ZNF865: variants seen among roughly 807,000 people sequenced by gnomAD.
ZNF865 encodes the protein zinc finger protein 865.
For synonymous variants in ZNF865, 763 were observed against 750.8 expected (o/e 1.02, Z -0.27); for missense variants, 1,311 against 1,593.4 (o/e 0.82, Z 3.02).
rs1333296683 is a variant in ZNF865, at chr19:55,615,635, G to A, written c.2017G>A (p.Asp673Asn). ...CGATGGGCTGAGCTACGCCTGCTCG[G>A]ACTGCGGCGAGCACTTCCCGGATCT... ...PTDGLSYACS[D>N]CGEHFPDLFH... The change falls in exon 2 of 2, where the codon GAC (aspartate) becomes AAC (asparagine). Residue 673 changes from aspartate to asparagine, a missense_variant. Asp to Asn is a conservative substitution (Grantham distance 23). Transcript: ENST00000568956. 6.5e-7 allele frequency: 1 copy of A among 1,534,430 alleles called. No individual in the cohort carries two copies. The highest frequency in any genetic ancestry group is 1.4e-5 in the African/African-American group (1 of 72,906).
chr19:55,615,163 C>T lies in ZNF865; in HGVS notation c.1545C>T (p.Tyr515=), dbSNP rs989775126. 2.3e-6 allele frequency: 3 copies of T among 1,331,836 alleles called. No homozygotes were observed. Among genetic ancestry groups the T allele is most frequent in the South Asian group, 1.7e-5 (1 of 58,974 alleles). 82.5% of individuals were successfully genotyped at this position (1,331,836 alleles called of 1,614,324 possible). A position where few individuals can be genotyped will look rare whatever the true frequency, so the allele number is the denominator to read the frequency against. The change falls in exon 2 of 2, where the codon TAC becomes TAT. Residue 515 remains tyrosine, a synonymous_variant. Transcript: ENST00000568956. ...CGGCGGCCGCGGCGGCGGTGGTGTA[C>T]GGCGCTGTGCCCGTCCCGCTCCTGG... is the stretch of plus-strand genomic sequence containing the variant. The part of the protein sequence containing the change: ...KAAAAAAAVV[Y]GAVPVPLLGA...
At chr19:55,606,803 G>A (rs567026064) in intron 1 of ZNF865, among the ~76,000 whole-genome samples, 2 of 152,358 alleles carry the variant, frequency 1.3e-5, no homozygotes, top group South Asian at 4.1e-4. Flanking sequence ...TTCTCACTGT[G>A]CGGGGTCTCA....
chr19:55,616,671 G>C lies in ZNF865; in HGVS notation c.3053G>C (p.Arg1018Pro). The C allele has an allele frequency of 6.5e-7, 1 of 1,530,172 alleles. No homozygotes were observed. Among genetic ancestry groups the C allele is most frequent in the Non-Finnish European group, 8.7e-7 (1 of 1,144,346 alleles). The allele number at this position is 1,530,172 out of a possible 1,614,324, so 94.8% of individuals were successfully genotyped here. A position where few individuals can be genotyped will look rare whatever the true frequency, so the allele number is the denominator to read the frequency against. ...GCCCACCAGGGCGGCCGGCCCTTCC[G>C]CTGCTCCTCCTGCGGCGAGGGCTTC... ...LAAHQGGRPF[R>P]CSSCGEGFAN... is the part of the protein sequence containing the mutation. The change falls in exon 2 of 2, where the codon CGC becomes CCC. Residue 1018 changes from arginine (R) to proline (P), a missense_variant. Arg to Pro is a moderately radical substitution (Grantham distance 103). Transcript: ENST00000568956.
rs1474817763 is a variant in ZNF865 at position 55,616,405 on chromosome 19, C to G, written c.2787C>G (p.Ala929=). ...AGCACCGGCGGCTGCACGCTGTGGC[C>G]CGGCCCCAGCGCTGCAGCGCCTGTG... ...LAEHRRLHAV[A]RPQRCSACGK... Residue 929 remains alanine, a synonymous_variant, in exon 2 of 2, where the codon GCC becomes GCG. Coordinates refer to ENST00000568956, the MANE Select transcript of ZNF865 (RefSeq NM_001195605.2). 4.7e-6 allele frequency: 7 copies of G among 1,504,274 alleles called. No homozygotes were observed. In the East Asian group the frequency reaches 1.5e-4, roughly 32 times the overall value. 93.2% of individuals were successfully genotyped at this position (1,504,274 alleles called of 1,614,324 possible).
At chr19:55,606,838 C>T (rs955534308) in intron 1 of ZNF865, among the ~76,000 whole-genome samples, 1 of 152,168 alleles carries the variant, frequency 6.6e-6, no homozygotes, top group Non-Finnish European at 1.5e-5. Flanking sequence ...AGACACGAGT[C>T]GACAAAGATA....
At chr19:55,606,777 G>A (rs1980959421) in intron 1 of ZNF865, among the ~76,000 whole-genome samples, 1 of 152,234 alleles carries the variant, frequency 6.6e-6, no homozygotes, top group Non-Finnish European at 1.5e-5. Flanking sequence ...CACGAAGGGG[G>A]TCGATACACA....
chr19:55,614,684 T>G lies in ZNF865; in HGVS notation c.1066T>G (p.Trp356Gly). The change falls in exon 2 of 2, where the codon TGG becomes GGG. Residue 356 changes from tryptophan (W) to glycine (G), a missense_variant. Physicochemically the swap from Trp to Gly is radical, Grantham distance 184 (BLOSUM62 -2). Transcript: ENST00000568956. The surrounding 1 kb of genome is among the most constrained non-coding windows in gnomAD (Gnocchi z 8.0). ...TGGCCCGTTCGCCTGCCCACTCTGC[T>G]GGAAGGTTTTCAAGAAGCCCAGTCA... ...GDGPFACPLC[W>G]KVFKKPSHLH... 6.4e-7 allele frequency: 1 copy of G among 1,566,980 alleles called. No homozygotes were observed. Among genetic ancestry groups the G allele is most frequent in the South Asian group, 1.2e-5 (1 of 86,742 alleles).
chr19:55,616,194 A>C lies in ZNF865; in HGVS notation c.2576A>C (p.Glu859Ala). The C allele has an allele frequency of 6.6e-7, 1 of 1,522,268 alleles. No individual in the cohort carries two copies. 94.3% of individuals were successfully genotyped at this position (1,522,268 alleles called of 1,614,324 possible). A position where few individuals can be genotyped will look rare whatever the true frequency, so the allele number is the denominator to read the frequency against. Residue 859 changes from glutamate to alanine, a missense_variant, in exon 2 of 2, where the codon GAG (glutamate) becomes GCG (alanine). Glu to Ala is a moderately radical substitution (Grantham distance 107). Transcript: ENST00000568956. ...CCGGTGTGCGGGAAGCGCTTCTGGG[A>C]GGCGGCCCTGCTGATGCGCCACCAG... ...RCPVCGKRFW[E>A]AALLMRHQRC...
chr19:55,615,633 C>G lies in ZNF865; in HGVS notation c.2015C>G (p.Ser672Trp), dbSNP rs949478452. 25 of 1,534,370 alleles carry G rather than the reference C, an allele frequency of 1.6e-5. No homozygotes were observed. Among genetic ancestry groups the G allele is most frequent in the Admixed American group, 5.9e-5 (3 of 50,912 alleles). Residue 672 changes from serine (S) to tryptophan (W), a missense_variant, in exon 2 of 2, where the codon TCG becomes TGG. Ser to Trp is a radical substitution (Grantham distance 177). Coordinates refer to ENST00000568956, the MANE Select transcript of ZNF865 (RefSeq NM_001195605.2). ...ACCGATGGGCTGAGCTACGCCTGCT[C>G]GGACTGCGGCGAGCACTTCCCGGAT... ...GPTDGLSYAC[S>W]DCGEHFPDLF...
Position 55,615,197 on chromosome 19 carries a change from C to T in ZNF865, c.1579C>T (p.Pro527Ser). ...AVPVPLLGAHPLLLGGAGTSG... is the reference protein window; with the variant it reads ...AVPVPLLGAHSLLLGGAGTSG... ...GCCCGTCCCGCTCCTGGGCGCCCACCCGCTGCTGCTCGGCGGCGCGGGGAC... is the reference window on the plus strand; with the variant it reads ...GCCCGTCCCGCTCCTGGGCGCCCACTCGCTGCTGCTCGGCGGCGCGGGGAC... Residue 527 changes from proline (P) to serine (S), a missense_variant, in exon 2 of 2, where the codon CCG becomes TCG. Physicochemically the swap from Pro to Ser is moderately conservative, Grantham distance 74. Coordinates refer to ENST00000568956, the MANE Select transcript of ZNF865 (RefSeq NM_001195605.2). 1 of 1,418,402 alleles carries T rather than the reference C, an allele frequency of 7.1e-7. No homozygotes were observed. The highest frequency in any genetic ancestry group is 9.1e-7 in the Non-Finnish European group (1 of 1,097,902). The allele number at this position is 1,418,402 out of a possible 1,614,324, so 87.9% of individuals were successfully genotyped here.
Position 55,614,974 on chromosome 19 carries a change from T to A in ZNF865, c.1356T>A (p.Ala452=). 7.0e-7 allele frequency: 1 copy of A among 1,432,208 alleles called. No individual in the cohort carries two copies. The highest frequency in any genetic ancestry group is 9.1e-7 in the Non-Finnish European group (1 of 1,100,936). 88.7% of individuals were successfully genotyped at this position (1,432,208 alleles called of 1,614,324 possible). A position where few individuals can be genotyped will look rare whatever the true frequency, so the allele number is the denominator to read the frequency against. ...ACCTGTGCGGCAAGTCCTACTCGGC[T>A]CCGCAGAGCCTGCTCCGCCACAAGG... ...PCDLCGKSYS[A]PQSLLRHKAA... is the part of the protein sequence containing the mutation. Residue 452 remains alanine (A), a synonymous_variant, in exon 2 of 2, where the codon GCT becomes GCA. Transcript: ENST00000568956. The surrounding 1 kb of genome is among the most constrained non-coding windows in gnomAD (Gnocchi z 8.0).
intron 1 of ZNF865, chr19:55,612,625 C>T (rs1156547788): frequency 1.3e-5 from 2 of 152,480 alleles, no homozygotes; most frequent in Admixed American, 1.3e-4. Flanking sequence ...CCTCAGCCTC[C>T]CAAAGTGCTG....
In ZNF865 at chr19:55,613,630, C is replaced by A. The variant is rs1483406863; in HGVS notation, c.12C>A (p.Asn4Lys). 4 of 1,520,294 alleles carry A rather than the reference C, an allele frequency of 2.6e-6. No individual in the cohort carries two copies. The highest frequency in any genetic ancestry group is 2.6e-6 in the Non-Finnish European group (3 of 1,138,800). 94.2% of individuals were successfully genotyped at this position (1,520,294 alleles called of 1,614,324 possible). Residue 4 changes from asparagine (N) to lysine (K), a missense_variant, in exon 2 of 2, where the codon AAC becomes AAA. Transcript: ENST00000568956. MEA[N>K]PAGSGAGGGG... ...CCCACCCGCCGGAGATGGAGGCGAACCCAGCGGGCAGCGGCGCCGGGGGTG... is the reference window on the plus strand; with the variant it reads ...CCCACCCGCCGGAGATGGAGGCGAAACCAGCGGGCAGCGGCGCCGGGGGTG...
Position 55,616,423 on chromosome 19 carries a change from C to T in ZNF865, c.2805C>T (p.Ser935=), listed in dbSNP as rs999694516. Residue 935 remains serine (S), a synonymous_variant, in exon 2 of 2, where the codon AGC becomes AGT. Coordinates refer to ENST00000568956, the MANE Select transcript of ZNF865 (RefSeq NM_001195605.2). The part of the protein sequence containing the change: ...LHAVARPQRC[S]ACGKTFRYRS... Reference sequence around the variant, plus strand: ...CTGTGGCCCGGCCCCAGCGCTGCAGCGCCTGTGGCAAGACCTTCCGCTACC... The same window carrying T: ...CTGTGGCCCGGCCCCAGCGCTGCAGTGCCTGTGGCAAGACCTTCCGCTACC... The T allele has an allele frequency of 6.6e-7, 1 of 1,512,088 alleles. No individual in the cohort carries two copies. Among genetic ancestry groups the T allele is most frequent in the Non-Finnish European group, 8.8e-7 (1 of 1,136,102 alleles). 93.7% of individuals were successfully genotyped at this position (1,512,088 alleles called of 1,614,324 possible). A position where few individuals can be genotyped will look rare whatever the true frequency, so the allele number is the denominator to read the frequency against.
At position 55,614,508 on chromosome 19, in the gene ZNF865, C is replaced by T; in HGVS notation, c.890C>T (p.Pro297Leu). 1.5e-6 allele frequency: 2 copies of T among 1,362,688 alleles called. No individual in the cohort carries two copies. The highest frequency in any genetic ancestry group is 1.9e-6 in the Non-Finnish European group (2 of 1,065,008). 84.4% of individuals were successfully genotyped at this position (1,362,688 alleles called of 1,614,324 possible). A position where few individuals can be genotyped will look rare whatever the true frequency, so the allele number is the denominator to read the frequency against. The part of the protein sequence containing the change: ...PGPHLPPLGL[P>L]APAASAATAA... ...CCCCACCTCCCGCCGCTGGGCCTCC[C>T]AGCACCCGCTGCCAGCGCCGCCACC... Residue 297 changes from proline (P) to leucine (L), a missense_variant, in exon 2 of 2, where the codon CCA becomes CTA. Pro to Leu is a moderately conservative substitution (Grantham distance 98). Coordinates refer to ENST00000568956, the MANE Select transcript of ZNF865 (RefSeq NM_001195605.2). This position sits in a 1 kb window ranked among gnomAD's most constrained non-coding sequence, Gnocchi z 8.0.
rs1222594548 is a variant in ZNF865, at chr19:55,616,336, C to T, written c.2718C>T (p.Cys906=). 6.6e-7 allele frequency: 1 copy of T among 1,521,850 alleles called. No homozygotes were observed. Among genetic ancestry groups the T allele is most frequent in the Admixed American group, 2.0e-5 (1 of 48,992 alleles). 94.3% of individuals were successfully genotyped at this position (1,521,850 alleles called of 1,614,324 possible). Residue 906 remains cysteine, a synonymous_variant, in exon 2 of 2, where the codon TGC becomes TGT. Coordinates refer to ENST00000568956, the MANE Select transcript of ZNF865 (RefSeq NM_001195605.2). ...ACACTGGCGAGCGGGCCTTCAAGTG[C>T]GGCGTGTGCGCCAAGCGCTTCGCGC... ...VVHTGERAFK[C]GVCAKRFAQS...
chr19:55,615,788 G>C lies in ZNF865; in HGVS notation c.2170G>C (p.Glu724Gln), dbSNP rs1477015580. ...WHKLVHQAAP[E>Q]RLLPPAPGGL... ...CAAGCTGGTCCACCAGGCCGCCCCC[G>C]AGCGCCTGCTCCCGCCCGCACCCGG... The change falls in exon 2 of 2, where the codon GAG (glutamate) becomes CAG (glutamine). Residue 724 changes from glutamate to glutamine, a missense_variant. Physicochemically the swap from Glu to Gln is conservative, Grantham distance 29 (BLOSUM62 2). Coordinates refer to ENST00000568956, the MANE Select transcript of ZNF865 (RefSeq NM_001195605.2). The C allele has an allele frequency of 7.9e-6, 12 of 1,521,272 alleles. No homozygotes were observed. Among genetic ancestry groups the C allele is most frequent in the East Asian group, 2.5e-5 (1 of 39,892 alleles). The allele number at this position is 1,521,272 out of a possible 1,614,324, so 94.2% of individuals were successfully genotyped here. A position where few individuals can be genotyped will look rare whatever the true frequency, so the allele number is the denominator to read the frequency against.
In ZNF865 at chr19:55,614,188, C is replaced by A. The variant is rs942197477; in HGVS notation, c.570C>A (p.Pro190=). ...GGGCCCCAGGGCCGCTTCCTGCCCC[C>A]TCGCAGACCCCGCCAGGACCCCCCG... ...PAGAPGPLPA[P]SQTPPGPPAA... Residue 190 remains proline (P), a synonymous_variant, in exon 2 of 2, where the codon CCC becomes CCA. Coordinates refer to ENST00000568956, the MANE Select transcript of ZNF865 (RefSeq NM_001195605.2). This position sits in a 1 kb window ranked among gnomAD's most constrained non-coding sequence, Gnocchi z 8.0. 5 of 1,496,226 alleles carry A rather than the reference C, an allele frequency of 3.3e-6. No individual in the cohort carries two copies. In the African/African-American group the frequency reaches 7.2e-5, roughly 22 times the overall value. 92.7% of individuals were successfully genotyped at this position (1,496,226 alleles called of 1,614,324 possible).
In ZNF865 at chr19:55,615,569, G is replaced by T. The variant is rs1352963413; in HGVS notation, c.1951G>T (p.Ala651Ser). The change falls in exon 2 of 2, where the codon GCC (alanine) becomes TCC (serine). Residue 651 changes from alanine to serine, a missense_variant. Transcript: ENST00000568956. Reference sequence around the variant, plus strand: ...CCCCTCCACCCAAGGCACACCGGGGGCCTGTGGGCCCGGGGCCTCGGGCAC... The same window carrying T: ...CCCCTCCACCCAAGGCACACCGGGGTCCTGTGGGCCCGGGGCCTCGGGCAC... The part of the protein sequence containing the change: ...GLPSTQGTPG[A>S]CGPGASGTSA... The T allele has an allele frequency of 6.5e-7, 1 of 1,528,484 alleles. No individual in the cohort carries two copies. The highest frequency in any genetic ancestry group is 8.7e-7 in the Non-Finnish European group (1 of 1,143,470). 94.7% of individuals were successfully genotyped at this position (1,528,484 alleles called of 1,614,324 possible).
Sources: allele counts gnomAD v4.1 joint callset (sites outside exome capture counted in the v4.1 genomes callset), GRCh38; gene constraint gnomAD v4.1.1; non-coding constraint Gnocchi (gnomAD v3.1); transcripts MANE v1.5; gene names NCBI Gene and HGNC (gene_info 2026-07-23, HGNC 2026-07-21).